Variants in STK26 observed in about 807,000 individuals in gnomAD.
The protein encoded by STK26 is serine/threonine kinase 26.
In STK26, 14 loss-of-function variants were observed where a neutral mutation model predicts 34.7. The ratio of observed to expected loss-of-function variants is 0.40; its 90% CI spans 0.27 to 0.63. STK26 has a LOEUF of 0.63. Among genes scored for constraint, STK26 ranks in the 30% least tolerant of loss-of-function variants. STK26 has a pLI of 0.38. For missense variants in STK26, 226 were observed against 309.1 expected (o/e 0.73, Z 2.02); for synonymous variants, 100 against 109.8 (o/e 0.91, Z 0.56).
chrX:132,036,507 A>C (rs1926055917), intron 2 of STK26, among the ~76,000 whole-genome samples: 1 of 111,821 alleles, frequency 8.9e-6, no homozygotes, highest in African/African-American at 3.3e-5. Flanking sequence ...AGGGAGGAGA[A>C]TCACTTGAAC....
intron 4 of STK26, 121 bp downstream of exon 4, chrX:132,063,610 TC>T: frequency 1.7e-6 from 1 of 579,091 alleles, no homozygotes; most frequent in Non-Finnish European, 2.7e-6. Context: ...GTTAATATGT[TC>T]AAATTAAATT....
chrX:132,056,998 T>C (rs1170700311), intron 3 of STK26, among the ~76,000 whole-genome samples: 1 of 111,773 alleles, frequency 8.9e-6, no homozygotes, highest in African/African-American at 3.3e-5. Context: ...GTCTGGAGCA[T>C]AGGCACACTC....
At chrX:132,043,227 G>T (rs1460529949) in intron 2 of STK26, among the ~76,000 whole-genome samples, 2 of 111,766 alleles carry the variant, frequency 1.8e-5, no homozygotes, top group African/African-American at 6.5e-5. Context: ...ATGATAGTTC[G>T]ATATTTGCTA....
At position 132,028,444 on chromosome X, in the gene STK26, C is replaced by T. The variant is rs990818346; in HGVS notation, c.42+4785C>T. 4.5e-5 allele frequency among the ~76,000 whole-genome samples: 5 copies of T among 111,168 alleles called. No homozygotes were observed. In the Admixed American group the frequency reaches 4.8e-4, roughly 11 times the overall value. On this transcript the variant is annotated intron_variant, in intron 2 of 11. Transcript: ENST00000394334. ...TCTAGACTTGTGAATTTTGTGGTAA[C>T]AATGGGATGACAAAGTACATATGTC...
intron 2 of STK26, among the ~76,000 whole-genome samples, chrX:132,034,541 G>T (rs1481990252): frequency 9.1e-6 from 1 of 110,175 alleles, no homozygotes; most frequent in Non-Finnish European, 1.9e-5. Flanking sequence ...TGGTCCGCCC[G>T]CCTCGGCCTC....
chrX:132,042,510 T>C (rs1926303242), intron 2 of STK26, among the ~76,000 whole-genome samples: 1 of 111,162 alleles, frequency 9.0e-6, no homozygotes, highest in African/African-American at 3.3e-5. Context: ...TACAACTATT[T>C]CACACATACA....
chrX:132,070,044 A>AT (rs546974701), intron 7 of STK26, among the ~76,000 whole-genome samples: 2,350 of 104,864 alleles, frequency 0.022, 22 homozygotes, highest in Non-Finnish European at 0.033. Flanking sequence ...GGGTTTAACT[A>AT]TTTTTTTTTT....
rs1251053743 is a variant in STK26, at chrX:132,074,687, C to T, written c.*528C>T. The T allele has an allele frequency of 9.0e-6, 1 of 111,052 alleles. No individual in the cohort carries two copies. The highest frequency in any genetic ancestry group is 1.9e-5 in the Non-Finnish European group (1 of 52,883). The allele number at this position is 111,052 out of a possible 1,213,427, so 9.2% of individuals were successfully genotyped here. On this transcript the variant is annotated 3_prime_UTR_variant, in exon 12 of 12. Transcript: ENST00000394334. ...TAAATGAAACCTGTAAAAGTATTGA[C>T]TCTTCTACCAAGTTGGTATGATATT... is the stretch of plus-strand genomic sequence containing the variant.
chrX:132,046,512 TAATAA>T (rs931050497), intron 2 of STK26, among the ~76,000 whole-genome samples: 15 of 112,137 alleles, frequency 1.3e-4, no homozygotes, highest in East Asian at 8.3e-4. Flanking sequence ...AAAATAAGAA[TAATAA>T]AATAAAGAGA....
At position 132,065,003 on chromosome X, in the gene STK26, T is replaced by A. The variant is rs1245811748; in HGVS notation, c.330+1514T>A. On this transcript the variant is annotated intron_variant, in intron 4 of 11. Coordinates refer to ENST00000394334, the MANE Select transcript of STK26 (RefSeq NM_016542.4). ...CCATATTTAAACCATTTTAAAGAAA[T>A]GGTAATTAAACTTGATGGAGAGCCT... Among the ~76,000 whole-genome samples the A allele has an allele frequency of 9.0e-5, 10 of 111,688 alleles. No individual in the cohort carries two copies. In the East Asian group the frequency reaches 2.8e-3, roughly 31 times the overall value.
Position 132,074,323 on chromosome X carries a change from T to C in STK26, c.*164T>C. On this transcript the variant is annotated 3_prime_UTR_variant, in exon 12 of 12. Transcript: ENST00000394334. The stretch of plus-strand genomic sequence containing the variant: ...AACTATTTTGTGATGGCGTTTATCA[T>C]TTTATATTTTGAAAGGATTATTTTG... 2.3e-6 allele frequency: 1 copy of C among 429,319 alleles called. No homozygotes were observed. Among genetic ancestry groups the C allele is most frequent in the Non-Finnish European group, 3.9e-6 (1 of 257,137 alleles). The allele number at this position is 429,319 out of a possible 1,213,427, so 35.4% of individuals were successfully genotyped here.
chrX:132,069,065 C>T (rs1345857184), intron 6 of STK26, among the ~76,000 whole-genome samples: 3 of 110,070 alleles, frequency 2.7e-5, no homozygotes, highest in South Asian at 3.9e-4. Flanking sequence ...CCCTTCCCCC[C>T]ATGATTCATT....
intron 2 of STK26, among the ~76,000 whole-genome samples, chrX:132,039,560 A>G (rs5930539): frequency 0.035 from 3,927 of 111,641 alleles, 66 homozygotes; most frequent in South Asian, 0.074. Context: ...TGTAAAAGAC[A>G]GCATACACGC....
intron 2 of STK26, among the ~76,000 whole-genome samples, chrX:132,037,553 T>C (rs1403747056): frequency 9.0e-6 from 1 of 111,374 alleles, no homozygotes; most frequent in Non-Finnish European, 1.9e-5. Flanking sequence ...TTGATATATA[T>C]TAATTTGTTT....
chrX:132,074,264 C>A lies in STK26; in HGVS notation c.*105C>A. ...CATGAGCTCCATGTGCCTTTTGGAT[C>A]TTTGCAACACTGAAGATTTGGAAGA... On this transcript the variant is annotated 3_prime_UTR_variant, in exon 12 of 12. Coordinates refer to ENST00000394334, the MANE Select transcript of STK26 (RefSeq NM_016542.4). 1 of 741,249 alleles carries A rather than the reference C, an allele frequency of 1.3e-6. No homozygotes were observed. 61.1% of individuals were successfully genotyped at this position (741,249 alleles called of 1,213,427 possible).
At chrX:132,072,392 C>T (rs778606255) in intron 9 of STK26, 31 bp downstream of exon 9, 1 of 1,123,499 alleles carries the variant, frequency 8.9e-7, no homozygotes, top group South Asian at 1.9e-5. Context: ...ACTTACTCTT[C>T]ATACAGTTTT....
intron 2 of STK26, among the ~76,000 whole-genome samples, chrX:132,027,577 C>G (rs1935126366): frequency 9.0e-6 from 1 of 111,536 alleles, no homozygotes; most frequent in Non-Finnish European, 1.9e-5. Context: ...CACACACAAT[C>G]TTTGAGAACA....
chrX:132,034,857 C>T (rs1925986931), intron 2 of STK26, among the ~76,000 whole-genome samples: 1 of 110,261 alleles, frequency 9.1e-6, no homozygotes, highest in Non-Finnish European at 1.9e-5. Flanking sequence ...AAACCTTAGT[C>T]CCAGAGTTTC....
chrX:132,046,880 C>T (rs1471567104), intron 2 of STK26, among the ~76,000 whole-genome samples: 2 of 112,049 alleles, frequency 1.8e-5, no homozygotes, highest in African/African-American at 6.5e-5. Flanking sequence ...TTGACTGCTA[C>T]TTTATGTTGC....
Sources: allele counts gnomAD v4.1 joint callset (sites outside exome capture counted in the v4.1 genomes callset), GRCh38; gene constraint gnomAD v4.1.1; transcripts MANE v1.5; gene names NCBI Gene and HGNC (gene_info 2026-07-23, HGNC 2026-07-21).